The following ALK variants were observed in gnomAD, a reference collection of about 807,000 sequenced individuals.
ALK encodes the protein ALK tyrosine kinase receptor.
In ALK, 74 loss-of-function variants were observed where a neutral mutation model predicts 163.1. That is an observed-to-expected ratio of 0.45 (90% CI 0.38 to 0.55). The LOEUF (loss-of-function observed/expected upper bound fraction) is 0.55. Ranked by LOEUF, ALK falls within the 20% of genes least tolerant of loss-of-function variation. ALK has a pLI of 0.00. For missense variants in ALK, 2,063 were observed against 2,105.3 expected (o/e 0.98, Z 0.39); for synonymous variants, 960 against 843.2 (o/e 1.14, Z -2.40).
chr2:29,907,540 A>G (rs1357358868), intron 1 of ALK, among the ~76,000 whole-genome samples: 5 of 152,144 alleles, frequency 3.3e-5, no homozygotes, highest in Non-Finnish European at 7.4e-5. Context: ...AGCTTCTATA[A>G]CACCACATGA....
At chr2:29,844,859 G>GCATA (rs113152971) in intron 1 of ALK, among the ~76,000 whole-genome samples, 2 of 148,638 alleles carry the variant, frequency 1.3e-5, no homozygotes, top group Non-Finnish European at 3.0e-5. Context: ...TAACCCCCCT[G>GCATA]CACACACACA....
intron 1 of ALK, among the ~76,000 whole-genome samples, chr2:29,792,522 A>G (rs1325074303): frequency 6.6e-6 from 1 of 152,216 alleles, no homozygotes; most frequent in Admixed American, 6.5e-5. Flanking sequence ...CTCAATGGAA[A>G]CACAAAATGG....
chr2:29,687,500 T>C (rs1340876409), intron 3 of ALK, among the ~76,000 whole-genome samples: 1 of 151,900 alleles, frequency 6.6e-6, no homozygotes, highest in Admixed American at 6.6e-5. Flanking sequence ...CTCAATAGAA[T>C]AGTCTCGAAT....
At chr2:29,875,764 A>AT (rs201061117) in intron 1 of ALK, among the ~76,000 whole-genome samples, 27 of 152,074 alleles carry the variant, frequency 1.8e-4, no homozygotes, top group African/African-American at 6.0e-4. Context: ...ACATGAACTC[A>AT]TTTTTTTATG....
At chr2:29,800,797 C>A (rs1310535536) in intron 1 of ALK, among the ~76,000 whole-genome samples, 1 of 152,212 alleles carries the variant, frequency 6.6e-6, no homozygotes, top group Non-Finnish European at 1.5e-5. Flanking sequence ...CCACAATATT[C>A]CCAACGCATG....
At chr2:29,442,704 C>T (rs1445206954) in intron 4 of ALK, among the ~76,000 whole-genome samples, 2 of 152,146 alleles carry the variant, frequency 1.3e-5, no homozygotes, top group Non-Finnish European at 2.9e-5. Flanking sequence ...GAAGGGTACG[C>T]ACCTAAAAAC....
At chr2:29,588,685 T>C (rs949256416) in intron 3 of ALK, among the ~76,000 whole-genome samples, 7 of 152,256 alleles carry the variant, frequency 4.6e-5, no homozygotes, top group African/African-American at 1.7e-4. Flanking sequence ...TTGCAACTAC[T>C]TAACTTTGCC....
chr2:29,733,054 G>C (rs985943454), intron 1 of ALK, among the ~76,000 whole-genome samples: 3 of 152,108 alleles, frequency 2.0e-5, no homozygotes, highest in Non-Finnish European at 4.4e-5. Flanking sequence ...CAGGGGGTTG[G>C]AAGGAGGCTA....
intron 2 of ALK, among the ~76,000 whole-genome samples, chr2:29,714,236 G>A (rs987249368): frequency 6.6e-6 from 1 of 152,076 alleles, no homozygotes; most frequent in African/African-American, 2.4e-5. Flanking sequence ...CCCTCTGCTC[G>A]CTGATGATGA....
intron 3 of ALK, among the ~76,000 whole-genome samples, chr2:29,627,113 G>A (rs1206889398): frequency 6.6e-6 from 1 of 152,192 alleles, no homozygotes; most frequent in Non-Finnish European, 1.5e-5. Context: ...TGGCTCTGAA[G>A]CCAGGGCTGA....
At chr2:29,594,729 G>A (rs556222421) in intron 3 of ALK, among the ~76,000 whole-genome samples, 8 of 152,076 alleles carry the variant, frequency 5.3e-5, no homozygotes, top group Admixed American at 5.2e-4. Flanking sequence ...ACCCAGCCAA[G>A]TCTCCTCACT....
At chr2:29,228,262 A>G (rs954338789) in intron 16 of ALK, among the ~76,000 whole-genome samples, 4 of 152,218 alleles carry the variant, frequency 2.6e-5, no homozygotes, top group African/African-American at 9.6e-5. Context: ...CGAACACCAC[A>G]GAGCATGCAT....
intron 1 of ALK, among the ~76,000 whole-genome samples, chr2:29,834,019 G>C (rs890211968): frequency 3.3e-5 from 5 of 152,170 alleles, no homozygotes; most frequent in Non-Finnish European, 7.3e-5. Flanking sequence ...TAGGACACAT[G>C]GTTGGGCAGA....
intron 3 of ALK, among the ~76,000 whole-genome samples, chr2:29,602,695 C>T (rs1161658275): frequency 6.6e-6 from 1 of 152,116 alleles, no homozygotes; most frequent in African/African-American, 2.4e-5. Context: ...GTTAAAGAGT[C>T]CTGAACCTCT....
intron 26 of ALK, among the ~76,000 whole-genome samples, chr2:29,204,210 A>G (rs1669257041): frequency 2.0e-5 from 3 of 152,246 alleles, no homozygotes; most frequent in Non-Finnish European, 2.9e-5. Flanking sequence ...CTAGTGCGAT[A>G]CACGTGTTAC....
chr2:29,799,159 TA>T (rs1197326713), intron 1 of ALK, among the ~76,000 whole-genome samples: 2 of 152,224 alleles, frequency 1.3e-5, no homozygotes, highest in African/African-American at 4.8e-5. Context: ...CAGGTTACTA[TA>T]AAAACCAACA....
At chr2:29,611,164 G>A (rs549883703) in intron 3 of ALK, among the ~76,000 whole-genome samples, 2 of 152,290 alleles carry the variant, frequency 1.3e-5, no homozygotes, top group East Asian at 3.9e-4. Flanking sequence ...GAAGTCACCA[G>A]GGATGGCTGG....
At chr2:29,447,840 T>C (rs998330873) in intron 4 of ALK, among the ~76,000 whole-genome samples, 6 of 152,242 alleles carry the variant, frequency 3.9e-5, no homozygotes, top group Admixed American at 2.0e-4. Context: ...CCAATCTCTT[T>C]GCTGCTCAAA....
At chr2:29,768,387 G>C (rs1214168640) in intron 1 of ALK, among the ~76,000 whole-genome samples, 1 of 152,178 alleles carries the variant, frequency 6.6e-6, no homozygotes, top group African/African-American at 2.4e-5. Context: ...AATCTACTCA[G>C]TATACTTTCT....
Sources: allele counts gnomAD v4.1 joint callset (sites outside exome capture counted in the v4.1 genomes callset), GRCh38; gene constraint gnomAD v4.1.1; transcripts MANE v1.5; gene names NCBI Gene and HGNC (gene_info 2026-07-23, HGNC 2026-07-21).